PAQR7: variants seen among roughly 807,000 people sequenced by gnomAD.
PAQR7 encodes progestin and adipoQ receptor family member 7, also known as membrane progestin receptor alpha.
In PAQR7, 14 loss-of-function variants were observed where a neutral mutation model predicts 24.6. The ratio of observed to expected loss-of-function variants is 0.57; its 90% CI spans 0.38 to 0.89. The LOEUF is 0.89. PAQR7 is among the 40% of genes least tolerant of loss of function. The pLI is 0.00. For synonymous variants in PAQR7, 189 were observed against 198.8 expected (o/e 0.95, Z 0.42); for missense variants, 351 against 444.0 (o/e 0.79, Z 1.88).
intron 2 of PAQR7, among the ~76,000 whole-genome samples, chr1:25,869,516 G>A (rs1213990662): frequency 1.3e-5 from 2 of 151,134 alleles, no homozygotes; most frequent in African/African-American, 2.4e-5. Flanking sequence ...AGATTGCAGT[G>A]AGCCGAGATC....
intron 2 of PAQR7, among the ~76,000 whole-genome samples, chr1:25,867,386 G>A (rs145989177): frequency 2.3e-4 from 35 of 152,228 alleles, no homozygotes; most frequent in East Asian, 2.1e-3. Flanking sequence ...GCTATTTATC[G>A]TTTCCTAATT....
chr1:25,865,471 T>G (rs890188903), intron 2 of PAQR7, among the ~76,000 whole-genome samples: 1 of 145,828 alleles, frequency 6.9e-6, no homozygotes, highest in Non-Finnish European at 1.5e-5. Flanking sequence ...GGTCGGGAGG[T>G]CGAGACCAGC....
rs184130313 is a variant in PAQR7, at chr1:25,865,785, C to T, written c.-22-1924G>A. 1.1e-3 allele frequency among the ~76,000 whole-genome samples: 161 copies of T among 151,870 alleles called. 1 individual carries two copies. Among genetic ancestry groups the T allele is most frequent in the African/African-American group, 3.7e-3 (153 of 41,432 alleles). On this transcript the variant is annotated intron_variant, in intron 2 of 2. Transcript: ENST00000675840. ...TCACGCCACTGCACTCCAGCCTGGG[C>T]GACAGAGTGAGACTCCATCTCAAAA...
At chr1:25,864,938 C>G (rs1417065861) in intron 2 of PAQR7, among the ~76,000 whole-genome samples, 1 of 151,772 alleles carries the variant, frequency 6.6e-6, no homozygotes, top group Admixed American at 6.6e-5. Context: ...GGGCGGATCA[C>G]AAGGTCAGGA....
rs918294104 is a variant in PAQR7 at position 25,875,272 on chromosome 1, T to C, written c.-109+216A>G. On this transcript the variant is annotated intron_variant, in intron 1 of 2. Transcript: ENST00000675840. The surrounding 1 kb of genome is among the most constrained non-coding windows in gnomAD (Gnocchi z 5.4). Reference sequence around the variant, plus strand: ...AGCTCCTCCTTCCTGCGCCCTCCGCTGGCTGCTTCCCCGGGCGGGCGTCCT... The same window carrying C: ...AGCTCCTCCTTCCTGCGCCCTCCGCCGGCTGCTTCCCCGGGCGGGCGTCCT... Among the ~76,000 whole-genome samples, 1 of 152,196 alleles carries C rather than the reference T, an allele frequency of 6.6e-6. No individual in the cohort carries two copies. Among genetic ancestry groups the C allele is most frequent in the Admixed American group, 6.5e-5 (1 of 15,284 alleles).
In PAQR7 at chr1:25,875,325, G is replaced by A. The variant is rs1320845330; in HGVS notation, c.-109+163C>T. Among the ~76,000 whole-genome samples, 1 of 152,218 alleles carries A rather than the reference G, an allele frequency of 6.6e-6. No individual in the cohort carries two copies. Among genetic ancestry groups the A allele is most frequent in the East Asian group, 1.9e-4 (1 of 5,172 alleles). ...CACTTAGCCCAGGTGCTCCCCTCCG[G>A]CTCCGCGTCCTGCCTGTCTTCCCCG... On this transcript the variant is annotated intron_variant, in intron 1 of 2. Transcript: ENST00000675840. The surrounding 1 kb of genome is among the most constrained non-coding windows in gnomAD (Gnocchi z 5.4).
chr1:25,871,836 C>T (rs1293602075), intron 1 of PAQR7, among the ~76,000 whole-genome samples: 1 of 152,214 alleles, frequency 6.6e-6, no homozygotes, highest in Admixed American at 6.5e-5. Context: ...CTGGGGCACA[C>T]AGAAAATGAA....
chr1:25,864,816 C>G (rs1050155141), intron 2 of PAQR7, among the ~76,000 whole-genome samples: 3 of 151,824 alleles, frequency 2.0e-5, no homozygotes, highest in Non-Finnish European at 4.4e-5. Flanking sequence ...CACTACTACT[C>G]TCAAGCTTGA....
rs2048526261 is a variant in PAQR7, at chr1:25,863,172, T to C, written c.668A>G (p.His223Arg). The C allele has an allele frequency of 6.2e-7, 1 of 1,614,228 alleles. No individual in the cohort carries two copies. Among genetic ancestry groups the C allele is most frequent in the African/African-American group, 1.3e-5 (1 of 75,072 alleles). ...AYALDISPVV[H>R]RIFVSSDPTT... is the part of the protein sequence containing the mutation. ...GGGGTCGGAGGACACGAAGATACGA[T>C]GCACCACAGGACTAATGTCCAGTGC... Residue 223 changes from histidine to arginine, a missense_variant, in exon 3 of 3, where the codon CAT becomes CGT. Transcript: ENST00000675840. This position sits in a 1 kb window ranked among gnomAD's most constrained non-coding sequence, Gnocchi z 6.1.
At chr1:25,872,509 ATTTT>A (rs55654329) in intron 1 of PAQR7, among the ~76,000 whole-genome samples, 47 of 108,892 alleles carry the variant, frequency 4.3e-4, no homozygotes, top group African/African-American at 9.8e-4. Flanking sequence ...ACACCACAGG[ATTTT>A]TTTTTTTTTT....
chr1:25,872,108 A>C (rs1342237067), intron 1 of PAQR7, among the ~76,000 whole-genome samples: 1 of 152,142 alleles, frequency 6.6e-6, no homozygotes, highest in Admixed American at 6.5e-5. Context: ...CAGTCCCTCA[A>C]CCTCTCTGAG....
At position 25,875,049 on chromosome 1, in the gene PAQR7, G is replaced by A. The variant is rs929672253; in HGVS notation, c.-109+439C>T. ...CCAGAAAGCAGTGAGCTCCCTGACT[G>A]TCCTGCTCCAGGAAGGCAGCGGCCT... On this transcript the variant is annotated intron_variant, in intron 1 of 2. Transcript: ENST00000675840. The surrounding 1 kb of genome is among the most constrained non-coding windows in gnomAD (Gnocchi z 5.4). 2.6e-5 allele frequency among the ~76,000 whole-genome samples: 4 copies of A among 152,190 alleles called. No homozygotes were observed. The highest frequency in any genetic ancestry group is 9.7e-5 in the African/African-American group (4 of 41,450).
In PAQR7 at chr1:25,864,007, A is replaced by G. The variant is rs568461751; in HGVS notation, c.-22-146T>C. ...GGTTTAAGAACAGAAGACTCATCCT[A>G]TGGAATTCCTCATCTCTGACCTCAT... On this transcript the variant is annotated intron_variant, in intron 2 of 2. Transcript: ENST00000675840. The G allele has an allele frequency of 9.8e-5, 63 of 643,612 alleles. 1 individual carries two copies. In the South Asian group the frequency reaches 1.1e-3, roughly 11 times the overall value. 39.9% of individuals were successfully genotyped at this position (643,612 alleles called of 1,614,324 possible). A position where few individuals can be genotyped will look rare whatever the true frequency, so the allele number is the denominator to read the frequency against.
rs946452599 is a variant in PAQR7, at chr1:25,862,653, G to A, written c.*146C>T. Reference sequence around the variant, plus strand: ...AATCCCTAAATCCAAGAATTGGCCAGTGATGCCCTTGGCAGTTGAGTCGTG... The same window carrying A: ...AATCCCTAAATCCAAGAATTGGCCAATGATGCCCTTGGCAGTTGAGTCGTG... On this transcript the variant is annotated 3_prime_UTR_variant, in exon 3 of 3. Transcript: ENST00000675840. The A allele has an allele frequency of 1.1e-6, 1 of 905,148 alleles. No homozygotes were observed. The highest frequency in any genetic ancestry group is 1.7e-5 in the African/African-American group (1 of 59,592). The allele number at this position is 905,148 out of a possible 1,614,324, so 56.1% of individuals were successfully genotyped here. A position where few individuals can be genotyped will look rare whatever the true frequency, so the allele number is the denominator to read the frequency against.
At chr1:25,871,902 G>C (rs923932516) in intron 1 of PAQR7, among the ~76,000 whole-genome samples, 3 of 152,228 alleles carry the variant, frequency 2.0e-5, no homozygotes, top group Admixed American at 6.5e-5. Context: ...ACAGGGCCTA[G>C]GAAGATCCAG....
Position 25,862,915 on chromosome 1 carries a change from T to C in PAQR7, c.925A>G (p.Thr309Ala), listed in dbSNP as rs779092037. The change falls in exon 3 of 3, where the codon ACG becomes GCG. Residue 309 changes from threonine (T) to alanine (A), a missense_variant. By Grantham distance (58) the Thr-to-Ala change is moderately conservative (BLOSUM62 0). Coordinates refer to ENST00000675840, the MANE Select transcript of PAQR7 (RefSeq NM_178422.6). ...CCAGAAAAGTTGTGAGGCCAGTGCG[T>C]GTGCAGAGGCTCATAGATGGGCCGT... Reference protein sequence around the residue: ...ARRPIYEPLHTHWPHNFSGLF... With the variant: ...ARRPIYEPLHAHWPHNFSGLF... 4.3e-6 allele frequency: 7 copies of C among 1,613,930 alleles called. No homozygotes were observed. The Admixed American group carries it at 1.2e-4, about 27-fold the overall frequency.
rs2048517005 is a variant in PAQR7 at position 25,862,194 on chromosome 1, T to G, written c.*605A>C. The G allele has an allele frequency of 6.6e-6, 1 of 152,468 alleles. No individual in the cohort carries two copies. The highest frequency in any genetic ancestry group is 2.1e-4 in the South Asian group (1 of 4,844). The allele number at this position is 152,468 out of a possible 1,614,324, so 9.4% of individuals were successfully genotyped here. A position where few individuals can be genotyped will look rare whatever the true frequency, so the allele number is the denominator to read the frequency against. On this transcript the variant is annotated 3_prime_UTR_variant, in exon 3 of 3. Coordinates refer to ENST00000675840, the MANE Select transcript of PAQR7 (RefSeq NM_178422.6). ...CCGTGTGGGACACAGAAGCCAGAGC[T>G]AGGAGATCTGGGGCTCACTGTCTGG...
intron 2 of PAQR7, among the ~76,000 whole-genome samples, chr1:25,868,617 G>A (rs1011172703): frequency 6.6e-6 from 1 of 151,344 alleles, no homozygotes; most frequent in African/African-American, 2.4e-5. Flanking sequence ...AGCTGAGGCA[G>A]GAAGATCCCT....
chr1:25,864,153 T>C (rs970640773), intron 2 of PAQR7, among the ~76,000 whole-genome samples: 4 of 152,128 alleles, frequency 2.6e-5, no homozygotes, highest in African/African-American at 9.7e-5. Context: ...TTAATTTCCT[T>C]TCCGGTCCCA....
Sources: allele counts gnomAD v4.1 joint callset (sites outside exome capture counted in the v4.1 genomes callset), GRCh38; gene constraint gnomAD v4.1.1; non-coding constraint Gnocchi (gnomAD v3.1); transcripts MANE v1.5; gene names NCBI Gene and HGNC (gene_info 2026-07-23, HGNC 2026-07-21).